CPQ: variants seen among roughly 807,000 people sequenced by gnomAD.
The protein encoded by CPQ is Ser-Met dipeptidase.
In CPQ, 37 loss-of-function variants were observed where a neutral mutation model predicts 45.7. The observed-to-expected ratio is 0.81, with a 90% CI of 0.62 to 1.07. CPQ has a LOEUF of 1.07. Ranked by LOEUF, CPQ falls within the 50% of genes least tolerant of loss-of-function variation. The probability of loss-of-function intolerance (pLI) is 0.00; values close to 1 mark genes in which losing one functional copy is unlikely to be tolerated. For synonymous variants in CPQ, 186 were observed against 205.8 expected, an observed-to-expected ratio of 0.90 and a Z score of 0.82; for missense variants, 537 against 572.9, an observed-to-expected ratio of 0.94 and a Z score of 0.64.
At chr8:97,070,832 GC>G (rs759434317) in intron 7 of CPQ, among the ~76,000 whole-genome samples, 1 of 152,118 alleles carries the variant, frequency 6.6e-6, no homozygotes, top group Non-Finnish European at 1.5e-5. Context: ...TCAAGTTTTT[GC>G]CTGATTCTCC....
At chr8:96,847,776 TGAGCAA>T (rs890846269) in intron 3 of CPQ, among the ~76,000 whole-genome samples, 2 of 151,538 alleles carry the variant, frequency 1.3e-5, no homozygotes, top group Non-Finnish European at 2.9e-5. Context: ...TTAAAATAAG[TGAGCAA>T]AATCTCAGGT....
chr8:96,945,960 C>T (rs1007277125), intron 4 of CPQ, among the ~76,000 whole-genome samples: 2 of 152,224 alleles, frequency 1.3e-5, no homozygotes, highest in African/African-American at 4.8e-5. Context: ...TTGCCTTCAG[C>T]AGTGGCTGCT....
chr8:96,925,326 A>G (rs933564481), intron 4 of CPQ, among the ~76,000 whole-genome samples: 37 of 151,772 alleles, frequency 2.4e-4, no homozygotes, highest in African/African-American at 7.0e-4. Context: ...TGACTAGGCT[A>G]CACCCTAGAA....
chr8:96,880,727 G>A (rs975693491), intron 4 of CPQ, among the ~76,000 whole-genome samples: 26 of 151,614 alleles, frequency 1.7e-4, no homozygotes, highest in African/African-American at 5.1e-4. Context: ...TAATCATTGG[G>A]TACATGTGTA....
At chr8:96,657,227 C>A (rs1563693817) in intron 1 of CPQ, among the ~76,000 whole-genome samples, 1 of 152,056 alleles carries the variant, frequency 6.6e-6, no homozygotes, top group East Asian at 1.9e-4. Context: ...CGTCTGTAAT[C>A]CCAGCTACTC....
intron 4 of CPQ, among the ~76,000 whole-genome samples, chr8:96,921,445 A>G (rs997086357): frequency 6.6e-6 from 1 of 152,194 alleles, no homozygotes; most frequent in African/African-American, 2.4e-5. Flanking sequence ...GAAGAATGTA[A>G]TGTTGATATA....
At chr8:96,695,638 A>G (rs1404966997) in intron 1 of CPQ, among the ~76,000 whole-genome samples, 2 of 152,024 alleles carry the variant, frequency 1.3e-5, no homozygotes, top group African/African-American at 4.8e-5. Context: ...AAGGACATGA[A>G]CAGACACTTC....
chr8:96,947,627 A>T (rs1219044559), intron 4 of CPQ, among the ~76,000 whole-genome samples: 1 of 152,146 alleles, frequency 6.6e-6, no homozygotes, highest in Non-Finnish European at 1.5e-5. Context: ...ACAAACAAAA[A>T]ACTGCTATTG....
chr8:96,949,564 T>C (rs1813232615), intron 4 of CPQ, among the ~76,000 whole-genome samples: 1 of 152,138 alleles, frequency 6.6e-6, no homozygotes, highest in South Asian at 2.1e-4. Flanking sequence ...GGTGGTTTGA[T>C]TCTGTGCCTG....
At chr8:96,882,752 A>G (rs900780058) in intron 4 of CPQ, among the ~76,000 whole-genome samples, 2 of 152,142 alleles carry the variant, frequency 1.3e-5, no homozygotes, top group Non-Finnish European at 2.9e-5. Context: ...GCTCAGCCTG[A>G]CTCATTCTTT....
chr8:96,743,371 A>C (rs888782028), intron 1 of CPQ, among the ~76,000 whole-genome samples: 1 of 151,654 alleles, frequency 6.6e-6, no homozygotes, highest in Non-Finnish European at 1.5e-5. Flanking sequence ...CTAGTTATAC[A>C]TTCTTCTAAA....
At chr8:96,826,609 C>CTCTTTTTCTTATT (rs1373191973) in intron 2 of CPQ, among the ~76,000 whole-genome samples, 1 of 151,628 alleles carries the variant, frequency 6.6e-6, no homozygotes, top group East Asian at 2.0e-4. Context: ...GCAATGATCT[C>CTCTTTTTCTTATT]TCTTTTTCTT....
At chr8:96,874,260 AG>A (rs1452379256) in intron 3 of CPQ, among the ~76,000 whole-genome samples, 2 of 151,848 alleles carry the variant, frequency 1.3e-5, no homozygotes, top group Non-Finnish European at 3.0e-5. Flanking sequence ...CTCTCCTTAA[AG>A]GAAAATTGGA....
At chr8:96,783,257 G>A (rs987247826) in intron 1 of CPQ, among the ~76,000 whole-genome samples, 2 of 150,770 alleles carry the variant, frequency 1.3e-5, no homozygotes, top group African/African-American at 2.4e-5. Context: ...TCTTAGTTGT[G>A]TGAGTGTGTG....
At chr8:96,960,613 A>G (rs1245076842) in intron 4 of CPQ, among the ~76,000 whole-genome samples, 1 of 152,142 alleles carries the variant, frequency 6.6e-6, no homozygotes, top group African/African-American at 2.4e-5. Context: ...TTTGAAGGTC[A>G]CTGTGTTCCC....
chr8:96,729,906 A>C (rs1007473469), intron 1 of CPQ, among the ~76,000 whole-genome samples: 2 of 152,106 alleles, frequency 1.3e-5, no homozygotes, highest in Non-Finnish European at 2.9e-5. Context: ...GAGACAAGCC[A>C]GTTGGTCTGT....
chr8:97,025,641 A>C (rs879851156), intron 5 of CPQ, among the ~76,000 whole-genome samples: 1 of 152,206 alleles, frequency 6.6e-6, no homozygotes, highest in Non-Finnish European at 1.5e-5. Flanking sequence ...GGCTTACAGC[A>C]GAGCTTCCAC....
Position 96,728,533 on chromosome 8 carries a change from A to G in CPQ, c.-34-56331A>G, listed in dbSNP as rs112659604. 6.0e-3 allele frequency among the ~76,000 whole-genome samples: 908 copies of G among 152,240 alleles called. 16 individuals are homozygous for G. The highest frequency in any genetic ancestry group is 0.016 in the African/African-American group (656 of 41,548). The stretch of plus-strand genomic sequence containing the variant: ...GAAACGGTCACAATATTTTGATTTG[A>G]GATTCTAGGCTTTTGAGCATTTGAG... On this transcript the variant is annotated intron_variant, in intron 1 of 7. Transcript: ENST00000220763.
chr8:96,998,886 T>C (rs1040394495), intron 5 of CPQ, among the ~76,000 whole-genome samples: 28 of 152,044 alleles, frequency 1.8e-4, no homozygotes, highest in African/African-American at 6.5e-4. Context: ...AAAACTGCCT[T>C]TGTTAAAAGA....
Sources: gnomAD v4.1 joint callset for allele counts (sites outside exome capture counted in the v4.1 genomes callset) on GRCh38, gnomAD v4.1.1 for gene constraint, MANE v1.5 for transcripts, NCBI Gene and HGNC (gene_info 2026-07-23, HGNC 2026-07-21) for gene names.